ZNF226: variants seen among roughly 807,000 people sequenced by gnomAD.
ZNF226 encodes Kruppel-associated box protein.
ZNF226 carries 6 observed loss-of-function variants against 11.4 expected under a neutral mutation model. That is an observed-to-expected ratio of 0.53 (90% confidence interval 0.29 to 1.04). ZNF226 has a LOEUF of 1.04. ZNF226 is among the 50% of genes least tolerant of loss of function. The probability of loss-of-function intolerance (pLI) is 0.08; values close to 1 mark genes in which losing one functional copy is unlikely to be tolerated. For missense variants in ZNF226, 1,058 were observed against 956.5 expected, an observed-to-expected ratio of 1.11 and a Z score of -1.40; for synonymous variants, 350 against 322.8, an observed-to-expected ratio of 1.08 and a Z score of -0.90.
downstream of ZNF226, among the ~76,000 whole-genome samples, chr19:44,181,102 G>A (rs532330396): frequency 6.6e-6 from 1 of 152,286 alleles, no homozygotes; most frequent in South Asian, 2.1e-4. Context: ...AACTCAGCCA[G>A]GTGCAGTGGC....
downstream of ZNF226, among the ~76,000 whole-genome samples, chr19:44,181,734 T>C (rs1329173913): frequency 1.4e-4 from 22 of 152,126 alleles, no homozygotes; most frequent in Admixed American, 1.3e-4. Flanking sequence ...AAGGAGCCCT[T>C]CTTCCTCTAT....
chr19:44,177,691 G>T (rs751093955), downstream of ZNF226: 1 of 1,549,200 alleles, frequency 6.5e-7, no homozygotes, highest in East Asian at 2.2e-5. Flanking sequence ...GTGAAGACTC[G>T]TGTCATTTGA....
At chr19:44,191,829 G>C in the ZNF226 span, among the ~76,000 whole-genome samples, 1 of 151,532 alleles carries the variant, frequency 6.6e-6, no homozygotes, top group East Asian at 1.9e-4. Context: ...AAGACAACAT[G>C]AAGCATGAGA....
the ZNF226 span, among the ~76,000 whole-genome samples, chr19:44,189,651 A>G: frequency 1.3e-5 from 2 of 152,368 alleles, no homozygotes; most frequent in East Asian, 3.9e-4. Context: ...CAAGTTGTCC[A>G]CATAAGCTAC....
At chr19:44,172,302 T>C in intron 4 of ZNF226, 88 bp downstream of exon 4, 1 of 1,500,504 alleles carries the variant, frequency 6.7e-7, no homozygotes, top group Non-Finnish European at 8.9e-7. Context: ...AGTGTGGGAA[T>C]CTGACTTTCC....
Position 44,170,024 on chromosome 19 carries a change from T to A in ZNF226, c.-46-11T>A. The A allele has an allele frequency of 6.4e-7, 1 of 1,566,836 alleles. No homozygotes were observed. Among genetic ancestry groups the A allele is most frequent in the African/African-American group, 1.4e-5 (1 of 73,286 alleles). On this transcript the variant is annotated splice_polypyrimidine_tract_variant and intron_variant, in intron 2 of 5. Transcript: ENST00000337433. ...TACCCAGTTTTGATTTATTTCTCTC[T>A]TCTTTCCTAGTTCAGCTTCTTAGGA...
downstream of ZNF226, among the ~76,000 whole-genome samples, chr19:44,182,219 C>T (rs779028607): frequency 1.3e-5 from 2 of 152,204 alleles, no homozygotes; most frequent in Non-Finnish European, 2.9e-5. Flanking sequence ...TAGAATTTCT[C>T]GACCTTGGCA....
intron 5 of ZNF226, chr19:44,174,329 T>C (rs1184726377): frequency 6.6e-6 from 1 of 152,230 alleles, no homozygotes; most frequent in Non-Finnish European, 1.5e-5. Flanking sequence ...ATAAGGACTT[T>C]TATTTCTATT....
chr19:44,167,659 C>T (rs1969562126), intron 2 of ZNF226, among the ~76,000 whole-genome samples: 1 of 152,060 alleles, frequency 6.6e-6, no homozygotes, highest in South Asian at 2.1e-4. Flanking sequence ...TGTAGAAAAG[C>T]TGCAAAAATG....
At chr19:44,194,798 G>T in the ZNF226 span, among the ~76,000 whole-genome samples, 1 of 152,038 alleles carries the variant, frequency 6.6e-6, no homozygotes, top group Non-Finnish European at 1.5e-5. Context: ...AACACAAAAA[G>T]ATATTTTCCC....
downstream of ZNF226, among the ~76,000 whole-genome samples, chr19:44,180,724 T>A: frequency 6.6e-6 from 1 of 152,198 alleles, no homozygotes; most frequent in East Asian, 1.9e-4. Context: ...TTTCTGGCCC[T>A]TTACAGAAAA....
At position 44,176,138 on chromosome 19, in the gene ZNF226, C is replaced by G. The variant is rs1970654622; in HGVS notation, c.876C>G (p.Ser292Arg). Residue 292 changes from serine (S) to arginine (R), a missense_variant, in exon 6 of 6, where the codon AGC becomes AGG. Ser to Arg is a moderately radical substitution (Grantham distance 110). Transcript: ENST00000337433. ...CVERGKGFCY[S>R]PVLPVHQKVH... ...AGCGTGGAAAAGGCTTCTGTTACAGCCCAGTTCTTCCTGTTCATCAGAAAG... is the reference window on the plus strand; with the variant it reads ...AGCGTGGAAAAGGCTTCTGTTACAGGCCAGTTCTTCCTGTTCATCAGAAAG... 1 of 1,614,116 alleles carries G rather than the reference C, an allele frequency of 6.2e-7. No individual in the cohort carries two copies. Among genetic ancestry groups the G allele is most frequent in the Middle Eastern group, 1.6e-4 (1 of 6,062 alleles).
chr19:44,173,087 G>A, intron 5 of ZNF226, 135 bp downstream of exon 5: 1 of 739,320 alleles, frequency 1.4e-6, no homozygotes, highest in South Asian at 2.0e-5. Flanking sequence ...TGTACTGCTT[G>A]CCCTGCTCCC....
the ZNF226 span, among the ~76,000 whole-genome samples, chr19:44,187,780 TTGGATTGCTTTCACTGCATCTCA>T: frequency 6.6e-6 from 1 of 152,086 alleles, no homozygotes; most frequent in South Asian, 2.1e-4. This position sits in a 1 kb window ranked among gnomAD's most constrained non-coding sequence, Gnocchi z 4.0. Context: ...ATGTCCCTAT[TTGGATTGCTTTCACTGCATCTCA>T]TAAGTTTTGA....
the ZNF226 span, among the ~76,000 whole-genome samples, chr19:44,189,430 G>A: frequency 6.6e-6 from 1 of 152,232 alleles, no homozygotes; most frequent in East Asian, 1.9e-4. Flanking sequence ...ATTTATCCAG[G>A]TATGCATGTA....
In ZNF226 at chr19:44,175,579, A is replaced by C. The variant is rs775559273; in HGVS notation, c.317A>C (p.Gln106Pro). ...CTTTCTTGTTGGCAAATCTGGCAAC[A>C]AATTGCAAATGACTTAACCAGGTGT... is the stretch of plus-strand genomic sequence containing the variant. ...EELSCWQIWQ[Q>P]IANDLTRCQD... The change falls in exon 6 of 6, where the codon CAA (glutamine) becomes CCA (proline). Residue 106 changes from glutamine to proline, a missense_variant. Physicochemically the swap from Gln to Pro is moderately conservative, Grantham distance 76. Coordinates refer to ENST00000337433, the MANE Select transcript of ZNF226 (RefSeq NM_001032373.2). The C allele has an allele frequency of 1.5e-4, 237 of 1,613,006 alleles. No individual in the cohort carries two copies. Among genetic ancestry groups the C allele is most frequent in the Non-Finnish European group, 1.9e-4 (224 of 1,179,666 alleles).
At chr19:44,173,149 A>T (rs1970304030) in intron 5 of ZNF226, 197 bp downstream of exon 5, 2 of 589,874 alleles carry the variant, frequency 3.4e-6, no homozygotes, top group Non-Finnish European at 6.1e-6. Flanking sequence ...AGTTTTTGTT[A>T]CCTTGTGTCA....
At chr19:44,190,283 A>G in the ZNF226 span, among the ~76,000 whole-genome samples, 1 of 152,130 alleles carries the variant, frequency 6.6e-6, no homozygotes, top group Admixed American at 6.6e-5. Flanking sequence ...TTAATAATTT[A>G]CATAAGAGCA....
At chr19:44,194,095 C>T in the ZNF226 span, among the ~76,000 whole-genome samples, 1 of 152,176 alleles carries the variant, frequency 6.6e-6, no homozygotes. Context: ...AGTTGTCTAA[C>T]CTATGACCAA....
Sources: allele counts gnomAD v4.1 joint callset (sites outside exome capture counted in the v4.1 genomes callset), GRCh38; gene constraint gnomAD v4.1.1; non-coding constraint Gnocchi (gnomAD v3.1); transcripts MANE v1.5; gene names NCBI Gene and HGNC (gene_info 2026-07-23, HGNC 2026-07-21).